KIAA1217: variants seen among roughly 807,000 people sequenced by gnomAD.
The protein encoded by KIAA1217 is sickle tail protein homolog.
KIAA1217 carries 88 observed loss-of-function variants against 163.9 expected under a neutral mutation model. That is an observed-to-expected ratio of 0.54 (90% CI 0.45 to 0.64). KIAA1217 has a LOEUF of 0.64. Among genes scored for constraint, KIAA1217 ranks in the 30% least tolerant of loss-of-function variants. The pLI, the probability that KIAA1217 is intolerant of heterozygous loss-of-function variation, is 0.00. For missense variants in KIAA1217, 2,372 were observed against 2,475.0 expected (o/e 0.96, Z 0.88); for synonymous variants, 903 against 923.1 (o/e 0.98, Z 0.39).
intron 6 of KIAA1217, among the ~76,000 whole-genome samples, chr10:24,478,700 G>A (rs763622283): frequency 1.2e-4 from 19 of 152,188 alleles, no homozygotes; most frequent in Non-Finnish European, 1.9e-4. Context: ...CTTAGTGCCT[G>A]AGGCTCTGTC....
At chr10:23,932,414 TA>T (rs34748861) in intron 1 of KIAA1217, among the ~76,000 whole-genome samples, 3,836 of 147,340 alleles carry the variant, frequency 0.026, 71 homozygotes, top group Admixed American at 0.066. Flanking sequence ...CTTCTAGTCT[TA>T]AAAAAAAAAA....
chr10:24,097,142 G>A (rs1243959800), intron 2 of KIAA1217, among the ~76,000 whole-genome samples: 1 of 152,180 alleles, frequency 6.6e-6, no homozygotes, highest in Non-Finnish European at 1.5e-5. Context: ...TAATGTAATA[G>A]GCCAGGCATG....
chr10:24,399,411 A>C (rs570085910), intron 3 of KIAA1217, among the ~76,000 whole-genome samples: 1 of 152,216 alleles, frequency 6.6e-6, no homozygotes, highest in Non-Finnish European at 1.5e-5. Flanking sequence ...AAAATGCTCT[A>C]TCATTGTCCT....
chr10:24,080,916 C>T (rs12245025), intron 2 of KIAA1217, among the ~76,000 whole-genome samples: 5,847 of 151,350 alleles, frequency 0.039, 384 homozygotes, highest in African/African-American at 0.13. Flanking sequence ...GATTATTGTA[C>T]TTTTGAATCA....
At chr10:24,262,919 C>T (rs1368164659) in intron 2 of KIAA1217, among the ~76,000 whole-genome samples, 3 of 149,268 alleles carry the variant, frequency 2.0e-5, no homozygotes, top group African/African-American at 7.4e-5. Flanking sequence ...CACTGCACTC[C>T]AGTCTGGGTA....
chr10:23,757,281 C>A (rs751134233), intron 1 of KIAA1217, among the ~76,000 whole-genome samples: 1 of 152,040 alleles, frequency 6.6e-6, no homozygotes, highest in Non-Finnish European at 1.5e-5. Flanking sequence ...TTTTTAATTT[C>A]TTGAGGAACC....
intron 1 of KIAA1217, among the ~76,000 whole-genome samples, chr10:23,900,184 T>G (rs918477404): frequency 2.0e-5 from 3 of 152,110 alleles, no homozygotes; most frequent in Admixed American, 1.3e-4. Context: ...TTTTGTATTT[T>G]TAGTAGAGAT....
chr10:23,980,676 C>T (rs1845725952), intron 1 of KIAA1217, among the ~76,000 whole-genome samples: 1 of 152,178 alleles, frequency 6.6e-6, no homozygotes, highest in South Asian at 2.1e-4. Context: ...TTCTAAACCC[C>T]TCACATTCCT....
chr10:23,865,242 G>A (rs528369391), intron 1 of KIAA1217, among the ~76,000 whole-genome samples: 64 of 152,166 alleles, frequency 4.2e-4, no homozygotes, highest in South Asian at 1.0e-3. Flanking sequence ...TCAGCACAGG[G>A]CATTAGAATT....
intron 1 of KIAA1217, among the ~76,000 whole-genome samples, chr10:23,824,675 ATATATATG>A (rs1837814181): frequency 7.2e-6 from 1 of 139,284 alleles, no homozygotes; most frequent in African/African-American, 2.6e-5. Context: ...ATATATATAT[ATATATATG>A]TATATATGAT....
chr10:23,730,351 G>A (rs1210197468), intron 1 of KIAA1217, among the ~76,000 whole-genome samples: 2 of 152,050 alleles, frequency 1.3e-5, no homozygotes, highest in Non-Finnish European at 2.9e-5. Flanking sequence ...ATCAGGTGAT[G>A]CTAGTCTGTT....
chr10:24,440,760 G>A (rs2060433596), intron 5 of KIAA1217, among the ~76,000 whole-genome samples: 1 of 152,162 alleles, frequency 6.6e-6, no homozygotes, highest in Non-Finnish European at 1.5e-5. Flanking sequence ...GACAGTAAAT[G>A]TTCACCATCT....
At chr10:24,455,518 T>A (rs12260263) in intron 5 of KIAA1217, among the ~76,000 whole-genome samples, 2 of 152,326 alleles carry the variant, frequency 1.3e-5, no homozygotes, top group East Asian at 1.9e-4. Flanking sequence ...GTTTTTGATA[T>A]AAATGTAGGA....
At chr10:24,523,696 CGAAGTTCTCAACGTTATAT>C (rs2071649775) in intron 12 of KIAA1217, among the ~76,000 whole-genome samples, 2 of 152,088 alleles carry the variant, frequency 1.3e-5, no homozygotes, top group South Asian at 4.1e-4. Context: ...CTTAAAGAGG[CGAAGTTCTCAACGTTATAT>C]AAAGCATGAA....
At chr10:23,756,459 C>T (rs1833924247) in intron 1 of KIAA1217, among the ~76,000 whole-genome samples, 1 of 152,106 alleles carries the variant, frequency 6.6e-6, no homozygotes, top group Admixed American at 6.6e-5. Flanking sequence ...GAATTAAGAA[C>T]CATGTTATAA....
chr10:24,298,771 C>T (rs1434823595), intron 2 of KIAA1217, among the ~76,000 whole-genome samples: 1 of 151,988 alleles, frequency 6.6e-6, no homozygotes, highest in African/African-American at 2.4e-5. Flanking sequence ...GCACTCCAGC[C>T]TGGGCGACAG....
chr10:24,158,997 T>C (rs1325989044), intron 2 of KIAA1217, among the ~76,000 whole-genome samples: 6 of 152,212 alleles, frequency 3.9e-5, no homozygotes, highest in African/African-American at 1.4e-4. Context: ...TAAAAATCCC[T>C]GTAAATAGAA....
intron 5 of KIAA1217, among the ~76,000 whole-genome samples, chr10:24,446,869 G>C (rs1359807688): frequency 2.0e-5 from 3 of 152,150 alleles, no homozygotes; most frequent in Admixed American, 1.3e-4. Flanking sequence ...AAGAGAAGTG[G>C]AGCTGAATTT....
At chr10:23,927,621 C>T (rs1843079500) in intron 1 of KIAA1217, among the ~76,000 whole-genome samples, 2 of 152,104 alleles carry the variant, frequency 1.3e-5, no homozygotes, top group African/African-American at 4.8e-5. Flanking sequence ...AATGGTGATG[C>T]ACTAGGCTTT....
Sources: allele counts gnomAD v4.1 joint callset (sites outside exome capture counted in the v4.1 genomes callset), GRCh38; gene constraint gnomAD v4.1.1; transcripts MANE v1.5; gene names NCBI Gene and HGNC (gene_info 2026-07-23, HGNC 2026-07-21).